The following ARHGEF4 variants were observed in gnomAD, a reference collection of about 807,000 sequenced individuals.
ARHGEF4 encodes the protein APC-stimulated guanine nucleotide exchange factor 1.
A neutral mutation model predicts 162.0 loss-of-function variants in ARHGEF4; 119 were observed. That is an observed-to-expected ratio of 0.73 (90% CI 0.63 to 0.86). ARHGEF4 has a LOEUF of 0.86. Among genes scored for constraint, ARHGEF4 ranks in the 40% least tolerant of loss-of-function variants. The pLI is 0.00. For synonymous variants in ARHGEF4, 1,014 were observed against 979.9 expected (o/e 1.03, Z -0.65); for missense variants, 2,488 against 2,456.0 (o/e 1.01, Z -0.28).
At chr2:130,946,667 A>G (rs769927755) in intron 4 of ARHGEF4, 32 bp downstream of exon 4, 4 of 1,612,048 alleles carry the variant, frequency 2.5e-6, no homozygotes, top group Non-Finnish European at 3.4e-6. Context: ...TTTGCTATGT[A>G]CTCTGGATCC....
At chr2:131,001,593 A>G (rs1206379855) in intron 4 of ARHGEF4, among the ~76,000 whole-genome samples, 2 of 152,162 alleles carry the variant, frequency 1.3e-5, no homozygotes, top group Non-Finnish European at 2.9e-5. Flanking sequence ...ATTTATACAG[A>G]TACTTCAGAG....
At position 130,889,137 on chromosome 2, in the gene ARHGEF4, G is replaced by A. The variant is rs1020210036; in HGVS notation, c.40-24849G>A. Among the ~76,000 whole-genome samples, 18 of 151,238 alleles carry A rather than the reference G, an allele frequency of 1.2e-4. 1 individual carries two copies. The highest frequency in any genetic ancestry group is 3.9e-4 in the African/African-American group (16 of 41,044). ...AAAAAAAGAAAGAAAGAAATTATAC[G>A]TCTGTCTCTATTTGTTAATATTGTC... On this transcript the variant is annotated intron_variant, in intron 1 of 13. Transcript: ENST00000409359.
chr2:131,035,001 GGC>G, intron 5 of ARHGEF4: 1 of 984,516 alleles, frequency 1.0e-6, no homozygotes, highest in Non-Finnish European at 1.2e-6. Flanking sequence ...CGCGAGCGCA[GGC>G]GCCCCGCCTC....
intron 4 of ARHGEF4, among the ~76,000 whole-genome samples, chr2:130,967,774 A>G (rs575340649): frequency 3.9e-5 from 6 of 152,332 alleles, no homozygotes; most frequent in African/African-American, 1.2e-4. Context: ...GCTCAAAAAC[A>G]TGGTTATACC....
chr2:130,924,618 T>A (rs1242167154), intron 2 of ARHGEF4, among the ~76,000 whole-genome samples: 1 of 152,108 alleles, frequency 6.6e-6, no homozygotes, highest in Non-Finnish European at 1.5e-5. Context: ...CCTCTGGGAT[T>A]TCAGGTTTGG....
intron 1 of ARHGEF4, among the ~76,000 whole-genome samples, chr2:130,895,965 T>C (rs1024060687): frequency 1.1e-4 from 17 of 152,324 alleles, no homozygotes; most frequent in Middle Eastern, 3.4e-3. Flanking sequence ...GTCCTAGCAC[T>C]TAGCTATATG....
intron 4 of ARHGEF4, among the ~76,000 whole-genome samples, chr2:130,999,248 G>A (rs530789611): frequency 2.7e-5 from 4 of 150,628 alleles, no homozygotes; most frequent in African/African-American, 9.8e-5. Flanking sequence ...AATTCTCCTG[G>A]GTTCACGCCC....
chr2:130,856,750 A>C (rs1269766213), intron 1 of ARHGEF4, among the ~76,000 whole-genome samples: 1 of 152,212 alleles, frequency 6.6e-6, no homozygotes, highest in African/African-American at 2.4e-5. Context: ...GCATGTATAC[A>C]TATGTAACTA....
rs201291361 is a variant in ARHGEF4 at position 130,914,991 on chromosome 2, G to A, written c.1045G>A (p.Glu349Lys). The A allele has an allele frequency of 1.2e-5, 19 of 1,550,488 alleles. No homozygotes were observed. In the Admixed American group the frequency reaches 1.4e-4, roughly 11 times the overall value. The change falls in exon 2 of 14, where the codon GAG (glutamate) becomes AAG (lysine). Residue 349 changes from glutamate to lysine, a missense_variant. Coordinates refer to ENST00000409359, the MANE Select transcript of ARHGEF4 (RefSeq NM_001367493.1). ...AGCAGGGTTTTCACCAGAGTGCCCCGAGGATCCCGTGGGACAGAATGTTGT... is the reference window on the plus strand; with the variant it reads ...AGCAGGGTTTTCACCAGAGTGCCCCAAGGATCCCGTGGGACAGAATGTTGT... ...SIAGFSPECP[E>K]DPVGQNVVKS... is the part of the protein sequence containing the mutation.
intron 1 of ARHGEF4, among the ~76,000 whole-genome samples, 198 bp downstream of exon 1, chr2:130,837,190 T>A (rs1195731885): frequency 4.0e-5 from 6 of 151,830 alleles, no homozygotes; most frequent in African/African-American, 1.5e-4. Flanking sequence ...TGGGGCCGTC[T>A]CGAGCGCGGG....
intron 4 of ARHGEF4, among the ~76,000 whole-genome samples, chr2:130,980,549 A>G (rs1320154739): frequency 6.6e-6 from 1 of 152,218 alleles, no homozygotes; most frequent in African/African-American, 2.4e-5. Context: ...CGAAACAGGG[A>G]GAAAGTAAGA....
chr2:130,949,437 T>C (rs1306404398), intron 4 of ARHGEF4, among the ~76,000 whole-genome samples: 1 of 152,080 alleles, frequency 6.6e-6, no homozygotes, highest in East Asian at 1.9e-4. Context: ...CACTGCAAAC[T>C]CCACCTCCTG....
At chr2:131,036,850 T>G (rs904790211) in intron 5 of ARHGEF4, among the ~76,000 whole-genome samples, 1 of 152,144 alleles carries the variant, frequency 6.6e-6, no homozygotes, top group African/African-American at 2.4e-5. Context: ...CTCACTGGTG[T>G]CCCCAGACCG....
At chr2:130,892,878 G>A (rs982536261) in intron 1 of ARHGEF4, among the ~76,000 whole-genome samples, 1 of 152,208 alleles carries the variant, frequency 6.6e-6, no homozygotes, top group Admixed American at 6.5e-5. Flanking sequence ...TCCCACGCCT[G>A]GGGTCCACAA....
chr2:130,882,802 AGGGTG>A (rs1391010441), intron 1 of ARHGEF4, among the ~76,000 whole-genome samples: 5 of 151,970 alleles, frequency 3.3e-5, no homozygotes, highest in Non-Finnish European at 4.4e-5. Context: ...CAGGAGGGCC[AGGGTG>A]GGGGTCTCAG....
chr2:131,024,322 T>C (rs6430523), intron 4 of ARHGEF4, among the ~76,000 whole-genome samples: 137,776 of 152,236 alleles, frequency 0.91, 63,049 homozygotes, highest in Non-Finnish European at 0.98. Flanking sequence ...ATCGCCCAGG[T>C]TGGAGTGCAG....
intron 4 of ARHGEF4, among the ~76,000 whole-genome samples, chr2:130,958,100 C>T (rs973746091): frequency 1.3e-5 from 2 of 152,006 alleles, no homozygotes; most frequent in African/African-American, 2.4e-5. Flanking sequence ...CACCCCGGCT[C>T]ACCACTCTCA....
intron 4 of ARHGEF4, among the ~76,000 whole-genome samples, chr2:130,996,824 A>G (rs1687422234): frequency 6.6e-6 from 1 of 152,182 alleles, no homozygotes; most frequent in Admixed American, 6.6e-5. Flanking sequence ...CCAACTTTGT[A>G]ATTTTCTTCA....
chr2:130,991,012 G>C (rs974895838), intron 4 of ARHGEF4, among the ~76,000 whole-genome samples: 1 of 152,196 alleles, frequency 6.6e-6, no homozygotes, highest in African/African-American at 2.4e-5. Flanking sequence ...CAGGGCATTT[G>C]AGAAAGTTAT....
Sources: allele counts gnomAD v4.1 joint callset (sites outside exome capture counted in the v4.1 genomes callset), GRCh38; gene constraint gnomAD v4.1.1; transcripts MANE v1.5; gene names NCBI Gene and HGNC (gene_info 2026-07-23, HGNC 2026-07-21).